Variants in EPS8 observed in about 807,000 individuals in gnomAD.
EPS8 encodes epidermal growth factor receptor kinase substrate 8.
Under a neutral mutation model 103.8 loss-of-function variants are expected in EPS8, and 42 were observed. The ratio of observed to expected loss-of-function variants is 0.40; its 90% CI spans 0.32 to 0.52. The LOEUF (loss-of-function observed/expected upper bound fraction) is 0.52. EPS8 is among the 20% of genes least tolerant of loss of function. The pLI is 0.40. For synonymous variants in EPS8, 344 were observed against 344.6 expected (o/e 1.00, Z 0.02); for missense variants, 969 against 1,005.1 (o/e 0.96, Z 0.49).
rs575824320 is a variant in EPS8, at chr12:15,752,833, A to G, written c.-22+36328T>C. 7.3e-4 allele frequency among the ~76,000 whole-genome samples: 111 copies of G among 152,254 alleles called. 1 individual carries two copies. Among genetic ancestry groups the G allele is most frequent in the African/African-American group, 2.4e-3 (100 of 41,532 alleles). On this transcript the variant is annotated intron_variant, in intron 1 of 20. Coordinates refer to ENST00000281172, the MANE Select transcript of EPS8 (RefSeq NM_004447.6). This position sits in a 1 kb window ranked among gnomAD's most constrained non-coding sequence, Gnocchi z 4.4. ...ATCAGTCACATAACACCTTAAAAATACCTTTGAATCCACTATCTCATTGCA... is the reference window on the plus strand; with the variant it reads ...ATCAGTCACATAACACCTTAAAAATGCCTTTGAATCCACTATCTCATTGCA...
chr12:15,651,921 T>G (rs1945422278), intron 13 of EPS8, among the ~76,000 whole-genome samples: 1 of 152,158 alleles, frequency 6.6e-6, no homozygotes. Flanking sequence ...ATATTTCGTT[T>G]TGATGTAGTT....
chr12:15,689,269 T>C (rs1946139871), intron 1 of EPS8, among the ~76,000 whole-genome samples: 1 of 152,174 alleles, frequency 6.6e-6, no homozygotes, highest in African/African-American at 2.4e-5. Context: ...AAATAAGGTA[T>C]TAAAAATGCT....
intron 1 of EPS8, among the ~76,000 whole-genome samples, chr12:15,723,454 T>G (rs1478613056): frequency 1.3e-5 from 2 of 152,206 alleles, no homozygotes; most frequent in East Asian, 3.8e-4. Flanking sequence ...TTTTTCCTTT[T>G]AGATCAATAG....
Position 15,681,306 on chromosome 12 carries a change from TA to T in EPS8, c.60-5del. 1.7e-6 allele frequency: 1 copy of T among 594,072 alleles called. No homozygotes were observed. Among genetic ancestry groups the T allele is most frequent in the African/African-American group, 3.5e-5 (1 of 28,770 alleles). The allele number at this position is 594,072 out of a possible 1,614,324, so 36.8% of individuals were successfully genotyped here. On this transcript the variant is annotated splice_polypyrimidine_tract_variant and splice_region_variant and intron_variant, in intron 2 of 20. Coordinates refer to ENST00000281172, the MANE Select transcript of EPS8 (RefSeq NM_004447.6). ...GGTAGGTGATGATCCGTAGCCACTG[TA>T]ATAATAATAATAATAATAATAATAA...
At position 15,785,000 on chromosome 12, in the gene EPS8, T is replaced by G. The variant is rs1262096414; in HGVS notation, c.-22+4161A>C. ...GAAGCCCAGGGGATTTGTAATGTGT[T>G]GAAATTATTCGGTATGATACTATGA... On this transcript the variant is annotated intron_variant, in intron 1 of 20. Transcript: ENST00000281172. The surrounding 1 kb of genome is among the most constrained non-coding windows in gnomAD (Gnocchi z 4.0). Among the ~76,000 whole-genome samples, 4 of 152,102 alleles carry G rather than the reference T, an allele frequency of 2.6e-5. No individual in the cohort carries two copies. Among genetic ancestry groups the G allele is most frequent in the Non-Finnish European group, 5.9e-5 (4 of 67,956 alleles).
intron 20 of EPS8, 95 bp downstream of exon 20, chr12:15,623,063 G>A (rs1332347617): frequency 8.1e-7 from 1 of 1,239,186 alleles, no homozygotes; most frequent in African/African-American, 1.6e-5. Flanking sequence ...ATTCAGCTCT[G>A]TTAAGAAAGG....
rs1027282098 is a variant in EPS8 at position 15,716,249 on chromosome 12, T to C, written c.-21-33277A>G. Among the ~76,000 whole-genome samples, 6 of 152,110 alleles carry C rather than the reference T, an allele frequency of 3.9e-5. No homozygotes were observed. Among genetic ancestry groups the C allele is most frequent in the Non-Finnish European group, 5.9e-5 (4 of 68,036 alleles). On this transcript the variant is annotated intron_variant, in intron 1 of 20. Transcript: ENST00000281172. The surrounding 1 kb of genome is among the most constrained non-coding windows in gnomAD (Gnocchi z 5.0). ...TGCTTGGAAACAGACAGTTTCCTAA[T>C]AGTAAGTTAACAGGTACAGTTAATA...
In EPS8 at chr12:15,658,111, A is replaced by C. The variant is rs1194629038; in HGVS notation, c.1069T>G (p.Leu357Val). 1 of 1,610,700 alleles carries C rather than the reference A, an allele frequency of 6.2e-7. No homozygotes were observed. Among genetic ancestry groups the C allele is most frequent in the Admixed American group, 1.7e-5 (1 of 59,940 alleles). The change falls in exon 12 of 21, where the codon TTG becomes GTG. Residue 357 changes from leucine to valine, a missense_variant. Coordinates refer to ENST00000281172, the MANE Select transcript of EPS8 (RefSeq NM_004447.6). ...AATGGAGTAAACAAAAAGTGAACCA[A>C]ATCTGCAGCACTAGGATTCTGAATA... ...SHIQNPSAAD[L>V]VHFLFTPLNM... is the part of the protein sequence containing the mutation.
At chr12:15,730,536 T>C (rs1393994717) in intron 1 of EPS8, among the ~76,000 whole-genome samples, 1 of 152,170 alleles carries the variant, frequency 6.6e-6, no homozygotes, top group Non-Finnish European at 1.5e-5. Flanking sequence ...AACTAGACTA[T>C]AATTGTCTGC....
At chr12:15,729,919 C>A (rs1364091419) in intron 1 of EPS8, among the ~76,000 whole-genome samples, 1 of 152,160 alleles carries the variant, frequency 6.6e-6, no homozygotes, top group African/African-American at 2.4e-5. Context: ...TACCTCCCCA[C>A]ACACCTCTTG....
At chr12:15,744,812 T>C (rs1402642810) in intron 1 of EPS8, among the ~76,000 whole-genome samples, 2 of 152,186 alleles carry the variant, frequency 1.3e-5, no homozygotes, top group Non-Finnish European at 2.9e-5. Flanking sequence ...CGTTAACAAA[T>C]ACTTTTAAAA....
At chr12:15,724,599 A>G (rs1348264958) in intron 1 of EPS8, among the ~76,000 whole-genome samples, 1 of 152,158 alleles carries the variant, frequency 6.6e-6, no homozygotes, top group Non-Finnish European at 1.5e-5. Context: ...CCGGAATCTC[A>G]TCTTGAATTA....
intron 18 of EPS8, among the ~76,000 whole-genome samples, chr12:15,630,659 G>A (rs1166008746): frequency 2.6e-5 from 4 of 152,174 alleles, no homozygotes; most frequent in Non-Finnish European, 4.4e-5. Flanking sequence ...TTAACATAGT[G>A]TGATTGTGCA....
rs146904797 is a variant in EPS8 at position 15,713,568 on chromosome 12, G to A, written c.-21-30596C>T. On this transcript the variant is annotated intron_variant, in intron 1 of 20. Transcript: ENST00000281172. This position sits in a 1 kb window ranked among gnomAD's most constrained non-coding sequence, Gnocchi z 4.8. ...CTTGAAGGAGAAAGAACAGAAGAAA[G>A]TGCTCCCTCAAGAGAGAAAGCACTC... 5.9e-3 allele frequency among the ~76,000 whole-genome samples: 899 copies of A among 152,248 alleles called. 7 individuals are homozygous for A. The highest frequency in any genetic ancestry group is 7.0e-3 in the Non-Finnish European group (478 of 68,008).
In EPS8 at chr12:15,717,417, T is replaced by C. The variant is rs1180636951; in HGVS notation, c.-21-34445A>G. ...GCCTGGGCAACATGGTGAAACCCCA[T>C]CTCTACTAAAAATACAAAAATTAGC... On this transcript the variant is annotated intron_variant, in intron 1 of 20. Coordinates refer to ENST00000281172, the MANE Select transcript of EPS8 (RefSeq NM_004447.6). The surrounding 1 kb of genome is among the most constrained non-coding windows in gnomAD (Gnocchi z 4.3). Among the ~76,000 whole-genome samples, 1 of 152,064 alleles carries C rather than the reference T, an allele frequency of 6.6e-6. No homozygotes were observed. The highest frequency in any genetic ancestry group is 1.5e-5 in the Non-Finnish European group (1 of 68,014).
At chr12:15,763,146 G>C (rs886591187) in intron 1 of EPS8, among the ~76,000 whole-genome samples, 12 of 151,956 alleles carry the variant, frequency 7.9e-5, no homozygotes, top group African/African-American at 1.2e-4. Flanking sequence ...ACTCATACAG[G>C]CTTATATTTT....
chr12:15,636,361 T>TA (rs1349149935), intron 17 of EPS8, among the ~76,000 whole-genome samples: 7 of 152,368 alleles, frequency 4.6e-5, no homozygotes, highest in African/African-American at 1.7e-4. Flanking sequence ...TGTAAATTTT[T>TA]ATTACTTTCT....
At position 15,657,921 on chromosome 12, in the gene EPS8, T is replaced by C. The variant is rs997965269; in HGVS notation, c.1101+158A>G. ...AACTAGATGATTTACAGGGTTCTTT[T>C]AAATTCTCAAATTTTACATTCTTGA... On this transcript the variant is annotated intron_variant, in intron 12 of 20. Transcript: ENST00000281172. 1.6e-5 allele frequency: 10 copies of C among 608,942 alleles called. No individual in the cohort carries two copies. The East Asian group carries it at 2.7e-4, about 16-fold the overall frequency. 37.7% of individuals were successfully genotyped at this position (608,942 alleles called of 1,614,324 possible).
At chr12:15,726,754 C>T (rs1054785108) in intron 1 of EPS8, among the ~76,000 whole-genome samples, 2 of 152,114 alleles carry the variant, frequency 1.3e-5, no homozygotes, top group Non-Finnish European at 2.9e-5. Context: ...TCCTGCTTTG[C>T]CTCCTGAAAG....
Sources: gnomAD v4.1 joint callset for allele counts (sites outside exome capture counted in the v4.1 genomes callset) on GRCh38, gnomAD v4.1.1 for gene constraint, Gnocchi (gnomAD v3.1) non-coding constraint, MANE v1.5 for transcripts, NCBI Gene and HGNC (gene_info 2026-07-23, HGNC 2026-07-21) for gene names.